Variants in SZT2 observed in about 807,000 individuals in gnomAD.
SZT2 encodes the protein SZT2 subunit of KICSTOR complex, also known as KICSTOR complex protein SZT2.
Under a neutral mutation model 404.2 loss-of-function variants are expected in SZT2, and 216 were observed. The observed-to-expected ratio is 0.53, with a 90% CI of 0.48 to 0.60. The LOEUF is 0.60. Among genes scored for constraint, SZT2 ranks in the 20% least tolerant of loss-of-function variants. The pLI is 0.00. For synonymous variants in SZT2, 1,693 were observed against 1,749.9 expected (o/e 0.97, Z 0.81); for missense variants, 3,857 against 4,459.2 (o/e 0.86, Z 3.85).
chr1:43,445,240 C>T (rs1013056988), intron 62 of SZT2: 4 of 152,538 alleles, frequency 2.6e-5, no homozygotes, highest in Admixed American at 6.5e-5. Context: ...TCCCTTCCCA[C>T]CAATCTTTAA....
chr1:43,438,952 C>T lies in SZT2; in HGVS notation c.6651C>T (p.Leu2217=), dbSNP rs1400573302. The part of the protein sequence containing the change: ...DVEFIQPPGS[L]PSEVLHLALP... ...AGTTCATCCAGCCCCCTGGAAGTCT[C>T]CCCTCAGAGGTGCTGCATCTGGCCC... The change falls in exon 48 of 72, where the codon CTC becomes CTT. Residue 2217 remains leucine (L), a synonymous_variant. Coordinates refer to ENST00000634258, the MANE Select transcript of SZT2 (RefSeq NM_001365999.1). The T allele has an allele frequency of 6.2e-7, 1 of 1,614,098 alleles. No homozygotes were observed. The highest frequency in any genetic ancestry group is 1.3e-5 in the African/African-American group (1 of 74,918).
At chr1:43,431,619 T>C (rs1553150249) in intron 35 of SZT2, 96 bp downstream of exon 35, 1 of 1,593,604 alleles carries the variant, frequency 6.3e-7, no homozygotes, top group East Asian at 2.2e-5. Flanking sequence ...GTGAGGCCTC[T>C]CTCAGTCTGT....
At chr1:43,433,514 G>A (rs1352065357) in intron 40 of SZT2, among the ~76,000 whole-genome samples, 1 of 152,250 alleles carries the variant, frequency 6.6e-6, no homozygotes, top group Admixed American at 6.5e-5. Flanking sequence ...GGGCGTGGTA[G>A]CTCATGCCCG....
rs767708065 is a variant in SZT2, at chr1:43,452,027, G to A, written c.*1547G>A. 14 of 1,597,810 alleles carry A rather than the reference G, an allele frequency of 8.8e-6. No individual in the cohort carries two copies. Among genetic ancestry groups the A allele is most frequent in the East Asian group, 4.5e-5 (2 of 44,690 alleles). Reference sequence around the variant, plus strand: ...CACGAGGTCCTCCTAGCAGCATGTCGGGTGCTGTGAATAGAGCTCCTTCCC... The same window carrying A: ...CACGAGGTCCTCCTAGCAGCATGTCAGGTGCTGTGAATAGAGCTCCTTCCC... On this transcript the variant is annotated 3_prime_UTR_variant, in exon 72 of 72. Transcript: ENST00000634258.
Position 43,403,173 on chromosome 1 carries a change from C to A in SZT2, c.28-4C>A. The A allele has an allele frequency of 6.2e-7, 1 of 1,613,880 alleles. No individual in the cohort carries two copies. ...AAGATGTATTAATGTCTCTTTGTTC[C>A]CAGGTGGAAGAAGCTGGGCAGGTGT... On this transcript the variant is annotated splice_polypyrimidine_tract_variant and splice_region_variant and intron_variant, in intron 1 of 71. Coordinates refer to ENST00000634258, the MANE Select transcript of SZT2 (RefSeq NM_001365999.1).
chr1:43,403,385 G>C, intron 2 of SZT2, 83 bp downstream of exon 2: 1 of 1,535,392 alleles, frequency 6.5e-7, no homozygotes, highest in South Asian at 1.2e-5. Flanking sequence ...CAGACAGGGT[G>C]GGAGACTAAC....
chr1:43,403,732 G>A lies in SZT2; in HGVS notation c.285G>A (p.Arg95=). 6.2e-7 allele frequency: 1 copy of A among 1,614,136 alleles called. No homozygotes were observed. Among genetic ancestry groups the A allele is most frequent in the Non-Finnish European group, 8.5e-7 (1 of 1,180,026 alleles). ...TCACCTTCCTGGCTTGGCAGTATCG[G>A]TTTGTCATTGAGTTGGACCTTAGCC... is the stretch of plus-strand genomic sequence containing the variant. ...TRVTFLAWQY[R]FVIELDLSPS... Residue 95 remains arginine (R), a synonymous_variant, in exon 3 of 72, where the codon CGG becomes CGA. Coordinates refer to ENST00000634258, the MANE Select transcript of SZT2 (RefSeq NM_001365999.1).
rs760038174 is a variant in SZT2 at position 43,451,039 on chromosome 1, G to A, written c.*559G>A. 3.9e-6 allele frequency: 3 copies of A among 778,752 alleles called. No homozygotes were observed. 48.2% of individuals were successfully genotyped at this position (778,752 alleles called of 1,614,324 possible). On this transcript the variant is annotated 3_prime_UTR_variant, in exon 72 of 72. Coordinates refer to ENST00000634258, the MANE Select transcript of SZT2 (RefSeq NM_001365999.1). ...ATCCTTTAATGAGGTGGGTTCAGAA[G>A]CTCTCCCATCTTCACAGCAACCCTG...
Position 43,431,882 on chromosome 1 carries a change from C to T in SZT2, c.5255C>T (p.Ser1752Phe), listed in dbSNP as rs1332885217. ...AGTTTTGTATTTGGGCCAGAGCGTT[C>T]CCTCACACAATTCAAGGAGGTAAGT... is the stretch of plus-strand genomic sequence containing the variant. Reference protein sequence around the residue: ...PLSFVFGPERSLTQFKEEFRR... With the variant: ...PLSFVFGPERFLTQFKEEFRR... Residue 1752 changes from serine to phenylalanine, a missense_variant, in exon 36 of 72, where the codon TCC (serine) becomes TTC (phenylalanine). Ser to Phe is a radical substitution (Grantham distance 155). Around this residue, in one of 7 missense-constraint regions of SZT2, gnomAD observed 1,725 missense variants for 1,881.0 expected, o/e 0.92. Transcript: ENST00000634258. 2 of 1,614,164 alleles carry T rather than the reference C, an allele frequency of 1.2e-6. No homozygotes were observed. The highest frequency in any genetic ancestry group is 2.2e-5 in the South Asian group (2 of 91,078).
In SZT2 at chr1:43,402,198, A is replaced by G. The variant is rs1649765801; in HGVS notation, c.28-979A>G. 2.0e-5 allele frequency among the ~76,000 whole-genome samples: 3 copies of G among 152,200 alleles called. No homozygotes were observed. In the South Asian group the frequency reaches 6.2e-4, roughly 31 times the overall value. The stretch of plus-strand genomic sequence containing the variant: ...TTCCCTCATTAATCAGGGACACAGG[A>G]GGAGAAATTTGCCATTTGTGTAGGA... On this transcript the variant is annotated intron_variant, in intron 1 of 71. Transcript: ENST00000634258.
intron 1 of SZT2, among the ~76,000 whole-genome samples, chr1:43,394,739 G>A (rs1648789781): frequency 6.6e-6 from 1 of 152,050 alleles, no homozygotes; most frequent in Non-Finnish European, 1.5e-5. Flanking sequence ...TTAGCCGGGC[G>A]TGGTGGCGCA....
chr1:43,420,189 C>G lies in SZT2; in HGVS notation c.1127C>G (p.Ser376Cys). The change falls in exon 9 of 72, where the codon TCT (serine) becomes TGT (cysteine). Residue 376 changes from serine (S) to cysteine (C), a missense_variant. Physicochemically the swap from Ser to Cys is moderately radical, Grantham distance 112. Around this residue, in one of 7 missense-constraint regions of SZT2, gnomAD observed 536 missense variants for 637.4 expected, o/e 0.84. Coordinates refer to ENST00000634258, the MANE Select transcript of SZT2 (RefSeq NM_001365999.1). The surrounding 1 kb of genome is among the most constrained non-coding windows in gnomAD (Gnocchi z 5.1). Reference sequence around the variant, plus strand: ...CGCCTATTTAATGAGCACCTGGTCTCTGCAAGCAGCAACCCTGCCCTGGCC... The same window carrying G: ...CGCCTATTTAATGAGCACCTGGTCTGTGCAAGCAGCAACCCTGCCCTGGCC... ...QHRLFNEHLV[S>C]ASSNPALALR... 6.3e-7 allele frequency: 1 copy of G among 1,598,480 alleles called. No individual in the cohort carries two copies. Among genetic ancestry groups the G allele is most frequent in the African/African-American group, 1.3e-5 (1 of 75,056 alleles).
chr1:43,429,918 CG>C lies in SZT2; in HGVS notation c.4308+80del, dbSNP rs1186677875. On this transcript the variant is annotated intron_variant, in intron 29 of 71. Coordinates refer to ENST00000634258, the MANE Select transcript of SZT2 (RefSeq NM_001365999.1). Reference sequence around the variant, plus strand: ...CAGAGGGACAGGATTCTCTCCTGGGCGGGGGGTATGCATGTGTCCTGCTCTA... The same window carrying C: ...CAGAGGGACAGGATTCTCTCCTGGGCGGGGGTATGCATGTGTCCTGCTCTA... 1.8e-5 allele frequency: 29 copies of C among 1,610,858 alleles called. No individual in the cohort carries two copies. In the South Asian group the frequency reaches 2.6e-4, roughly 15 times the overall value.
Position 43,450,202 on chromosome 1 carries a change from C to A in SZT2, c.10155+31C>A. On this transcript the variant is annotated intron_variant, in intron 71 of 71. Coordinates refer to ENST00000634258, the MANE Select transcript of SZT2 (RefSeq NM_001365999.1). This position sits in a 1 kb window ranked among gnomAD's most constrained non-coding sequence, Gnocchi z 4.3. The stretch of plus-strand genomic sequence containing the variant: ...AACGAGTGGGGGGCTTTGTGTCAGC[C>A]TCATGGGAGGCCGTACCCCAAATGC... 3.7e-6 allele frequency: 6 copies of A among 1,614,052 alleles called. No homozygotes were observed. Among genetic ancestry groups the A allele is most frequent in the Non-Finnish European group, 5.1e-6 (6 of 1,179,922 alleles).
Position 43,420,629 on chromosome 1 carries a change from A to G in SZT2, c.1262-120A>G. On this transcript the variant is annotated intron_variant, in intron 9 of 71. Transcript: ENST00000634258. This position sits in a 1 kb window ranked among gnomAD's most constrained non-coding sequence, Gnocchi z 5.1. ...CTCTGGGCCTGAAACCTGTGGAACC[A>G]TGCTTGGAACCTTTGGCAGGACTGG... The G allele has an allele frequency of 1.9e-6, 2 of 1,032,008 alleles. No individual in the cohort carries two copies. The highest frequency in any genetic ancestry group is 2.8e-6 in the Non-Finnish European group (2 of 719,872). 63.9% of individuals were successfully genotyped at this position (1,032,008 alleles called of 1,614,324 possible). A position where few individuals can be genotyped will look rare whatever the true frequency, so the allele number is the denominator to read the frequency against.
Position 43,451,424 on chromosome 1 carries a change from TCA to T in SZT2, c.*947_*948del, listed in dbSNP as rs765771627. The T allele has an allele frequency of 3.7e-6, 6 of 1,613,154 alleles. No individual in the cohort carries two copies. The Admixed American group carries it at 6.7e-5, about 18-fold the overall frequency. On this transcript the variant is annotated 3_prime_UTR_variant, in exon 72 of 72. Coordinates refer to ENST00000634258, the MANE Select transcript of SZT2 (RefSeq NM_001365999.1). ...CCACGCCTCACCTCGAGGCTGATAC[TCA>T]CAGCCCACGAAGCCTTTGTAGCCTT...
chr1:43,451,425 C>T lies in SZT2; in HGVS notation c.*945C>T, dbSNP rs1418492030. The T allele has an allele frequency of 6.2e-7, 1 of 1,613,216 alleles. No homozygotes were observed. Among genetic ancestry groups the T allele is most frequent in the African/African-American group, 1.3e-5 (1 of 75,052 alleles). ...CACGCCTCACCTCGAGGCTGATACTCACAGCCCACGAAGCCTTTGTAGCCT... is the reference window on the plus strand; with the variant it reads ...CACGCCTCACCTCGAGGCTGATACTTACAGCCCACGAAGCCTTTGTAGCCT... On this transcript the variant is annotated 3_prime_UTR_variant, in exon 72 of 72. Transcript: ENST00000634258.
In SZT2 at chr1:43,423,094, C is replaced by G; in HGVS notation, c.2038-5C>G. On this transcript the variant is annotated splice_polypyrimidine_tract_variant and splice_region_variant and intron_variant, in intron 14 of 71. Coordinates refer to ENST00000634258, the MANE Select transcript of SZT2 (RefSeq NM_001365999.1). Reference sequence around the variant, plus strand: ...TAAGAGGATGTGACCACATTTTCCCCTCAGATTGTGTCAGGCTTGAGGGAA... The same window carrying G: ...TAAGAGGATGTGACCACATTTTCCCGTCAGATTGTGTCAGGCTTGAGGGAA... The G allele has an allele frequency of 6.3e-7, 1 of 1,582,756 alleles. No homozygotes were observed. Among genetic ancestry groups the G allele is most frequent in the Non-Finnish European group, 8.5e-7 (1 of 1,172,428 alleles).
At chr1:43,433,655 G>A (rs142798180) in intron 40 of SZT2, among the ~76,000 whole-genome samples, 10 of 152,244 alleles carry the variant, frequency 6.6e-5, no homozygotes, top group African/African-American at 2.2e-4. Context: ...GGTGGCAGGC[G>A]CCTGTAGTCC....
Sources: allele counts gnomAD v4.1 joint callset (sites outside exome capture counted in the v4.1 genomes callset), GRCh38; gene constraint gnomAD v4.1.1; regional missense constraint gnomAD v4.1.1; non-coding constraint Gnocchi (gnomAD v3.1); transcripts MANE v1.5; gene names NCBI Gene and HGNC (gene_info 2026-07-23, HGNC 2026-07-21).